MTUS2: variants seen among roughly 807,000 people sequenced by gnomAD.
MTUS2 encodes microtubule-associated tumor suppressor candidate 2.
In MTUS2, 40 loss-of-function variants were observed where a neutral mutation model predicts 114.1. That is an observed-to-expected ratio of 0.35 (90% CI 0.27 to 0.46). MTUS2 has a LOEUF of 0.46. MTUS2 is among the 20% of genes least tolerant of loss of function. The pLI is 1.00. For synonymous variants in MTUS2, 688 were observed against 672.0 expected (o/e 1.02, Z -0.37); for missense variants, 1,679 against 1,705.4 (o/e 0.98, Z 0.27).
Position 29,024,654 on chromosome 13 carries a change from A to G in MTUS2, c.-45A>G. The G allele has an allele frequency of 6.3e-7, 1 of 1,586,974 alleles. No individual in the cohort carries two copies. The highest frequency in any genetic ancestry group is 8.6e-7 in the Non-Finnish European group (1 of 1,168,474). On this transcript the variant is annotated 5_prime_UTR_variant, in exon 3 of 16. Transcript: ENST00000612955. Reference sequence around the variant, plus strand: ...TGCAGCTTGAAGGCAGCCCATTTCCATTAAGTAGGACTGCATGGCAAGCAG... The same window carrying G: ...TGCAGCTTGAAGGCAGCCCATTTCCGTTAAGTAGGACTGCATGGCAAGCAG...
chr13:28,919,436 T>C (rs1038395654), intron 2 of MTUS2, among the ~76,000 whole-genome samples: 1 of 152,176 alleles, frequency 6.6e-6, no homozygotes, highest in Non-Finnish European at 1.5e-5. Context: ...AGAAGCCTGC[T>C]GGTAGACATA....
intron 2 of MTUS2, among the ~76,000 whole-genome samples, chr13:28,937,515 C>T (rs1230490492): frequency 1.3e-5 from 2 of 152,144 alleles, no homozygotes; most frequent in Non-Finnish European, 2.9e-5. Flanking sequence ...TTTTGGGTCC[C>T]TGCTCTCTTT....
intron 5 of MTUS2, among the ~76,000 whole-genome samples, chr13:29,165,423 T>C (rs1893276223): frequency 2.6e-5 from 4 of 152,226 alleles, no homozygotes; most frequent in Admixed American, 2.6e-4. Flanking sequence ...AAGATCATTC[T>C]ACAGTAACTC....
chr13:28,907,993 T>C lies in MTUS2; in HGVS notation c.-243+68143T>C, dbSNP rs1401141257. Among the ~76,000 whole-genome samples, 3 of 151,542 alleles carry C rather than the reference T, an allele frequency of 2.0e-5. 1 individual carries two copies. Among genetic ancestry groups the C allele is most frequent in the Non-Finnish European group, 4.4e-5 (3 of 67,906 alleles). On this transcript the variant is annotated intron_variant, in intron 2 of 15. Coordinates refer to ENST00000612955, the MANE Select transcript of MTUS2 (RefSeq NM_001033602.4). ...TATCTTTGGCTGCTTTCAAGATTTT[T>C]CTTTGTATTTAGTTTTGAGATGTTT...
chr13:29,234,263 C>T (rs1201618575), intron 5 of MTUS2, among the ~76,000 whole-genome samples: 3 of 152,154 alleles, frequency 2.0e-5, no homozygotes, highest in African/African-American at 7.2e-5. Context: ...CAGTAGTGTA[C>T]AGACAGGCAT....
intron 6 of MTUS2, among the ~76,000 whole-genome samples, chr13:29,287,215 C>G (rs1898527650): frequency 6.6e-6 from 1 of 152,170 alleles, no homozygotes; most frequent in South Asian, 2.1e-4. Flanking sequence ...CAGCTAAGGA[C>G]TATCAGAATT....
chr13:29,266,674 G>A lies in MTUS2; in HGVS notation c.2645-15030G>A, dbSNP rs547908910. Among the ~76,000 whole-genome samples the A allele has an allele frequency of 2.0e-5, 3 of 152,298 alleles. No individual in the cohort carries two copies. In the South Asian group the frequency reaches 6.2e-4, roughly 32 times the overall value. ...GGCCCACCTCGGTCATGCCCACTGT[G>A]ACTACATTCCCAGGAGCAGTTGCAA... is the stretch of plus-strand genomic sequence containing the variant. On this transcript the variant is annotated intron_variant, in intron 5 of 15. Transcript: ENST00000612955.
chr13:29,181,260 G>A (rs7325609), intron 5 of MTUS2, among the ~76,000 whole-genome samples: 1,614 of 152,060 alleles, frequency 0.011, 24 homozygotes, highest in African/African-American at 0.036. Context: ...GGCATCCTCC[G>A]ATGTGCCTAT....
intron 7 of MTUS2, among the ~76,000 whole-genome samples, chr13:29,335,509 A>T (rs143868429): frequency 6.6e-6 from 1 of 152,012 alleles, no homozygotes; most frequent in Admixed American, 6.5e-5. Flanking sequence ...CCCACACCCT[A>T]TTCGTACACT....
chr13:29,364,763 G>C (rs1870563396), intron 8 of MTUS2, among the ~76,000 whole-genome samples: 1 of 152,234 alleles, frequency 6.6e-6, no homozygotes, highest in Non-Finnish European at 1.5e-5. Context: ...ACTGAGTGGA[G>C]CTCTCAGAGC....
rs981349781 is a variant in MTUS2, at chr13:29,116,747, AG to A, written c.2644+15780del. ...CACTGAGATGGCTATTAAGTGACTC[AG>A]GGTAGGTAGGCAGGGCTTACAGTGT... On this transcript the variant is annotated intron_variant, in intron 5 of 15. Transcript: ENST00000612955. Among the ~76,000 whole-genome samples the A allele has an allele frequency of 1.2e-4, 19 of 152,288 alleles. No individual in the cohort carries two copies. The East Asian group carries it at 3.7e-3, about 29-fold the overall frequency.
intron 11 of MTUS2, chr13:29,490,255 G>A (rs1224730993): frequency 6.6e-6 from 1 of 152,120 alleles, no homozygotes; most frequent in African/African-American, 2.4e-5. Context: ...ATTTCTTAGT[G>A]ACCCTTACCA....
chr13:28,922,939 C>A (rs1881128197), intron 2 of MTUS2, among the ~76,000 whole-genome samples: 1 of 152,274 alleles, frequency 6.6e-6, no homozygotes, highest in Middle Eastern at 3.4e-3. Flanking sequence ...CTCTTTTAGC[C>A]CACTTTCCTT....
At chr13:29,431,089 C>G (rs772090903) in intron 8 of MTUS2, among the ~76,000 whole-genome samples, 1 of 152,106 alleles carries the variant, frequency 6.6e-6, no homozygotes, top group South Asian at 2.1e-4. Context: ...TAAAGCTGTT[C>G]TGAAAAACAT....
At chr13:29,019,204 A>G (rs1240119483) in intron 2 of MTUS2, among the ~76,000 whole-genome samples, 1 of 152,120 alleles carries the variant, frequency 6.6e-6, no homozygotes, top group African/African-American at 2.4e-5. Context: ...AGATGGAGGC[A>G]CACACAGTGG....
intron 2 of MTUS2, among the ~76,000 whole-genome samples, chr13:28,849,545 G>A (rs763135132): frequency 6.6e-6 from 1 of 152,146 alleles, no homozygotes; most frequent in Non-Finnish European, 1.5e-5. Context: ...ACTAGAAACT[G>A]AGCTTCACAG....
At chr13:28,939,760 C>T (rs1209999444) in intron 2 of MTUS2, among the ~76,000 whole-genome samples, 1 of 151,836 alleles carries the variant, frequency 6.6e-6, no homozygotes, top group African/African-American at 2.4e-5. Flanking sequence ...ACTAAGAGAA[C>T]GTAAGTGTCT....
At chr13:28,926,164 A>G (rs564855546) in intron 2 of MTUS2, among the ~76,000 whole-genome samples, 3 of 152,352 alleles carry the variant, frequency 2.0e-5, no homozygotes, top group South Asian at 2.1e-4. Context: ...TATTGAAGAC[A>G]CAAATCCCAA....
intron 8 of MTUS2, among the ~76,000 whole-genome samples, chr13:29,404,584 A>C (rs1874614561): frequency 6.6e-6 from 1 of 152,178 alleles, no homozygotes; most frequent in Non-Finnish European, 1.5e-5. Context: ...TTAGAGCCAC[A>C]GGTGGATTTG....
Sources: gnomAD v4.1 joint callset for allele counts (sites outside exome capture counted in the v4.1 genomes callset) on GRCh38, gnomAD v4.1.1 for gene constraint, MANE v1.5 for transcripts, NCBI Gene and HGNC (gene_info 2026-07-23, HGNC 2026-07-21) for gene names.